Variants in ATP2B2 observed in about 807,000 individuals in gnomAD.
ATP2B2 encodes ATPase plasma membrane Ca2+ transporting 2, also known as plasma membrane calcium-transporting ATPase 2.
In ATP2B2, 15 loss-of-function variants were observed where a neutral mutation model predicts 120.0. The observed-to-expected ratio is 0.12, with a 90% CI of 0.08 to 0.19. The LOEUF (loss-of-function observed/expected upper bound fraction) is 0.19, where lower values mean the gene tolerates loss of function less well. Among genes scored for constraint, ATP2B2 ranks in the 10% least tolerant of loss-of-function variants. The pLI, the probability that ATP2B2 is intolerant of heterozygous loss-of-function variation, is 1.00. For synonymous variants in ATP2B2, 694 were observed against 700.3 expected (o/e 0.99, Z 0.14); for missense variants, 1,045 against 1,719.8 (o/e 0.61, Z 6.94).
chr3:10,486,017 A>G (rs1174615240), intron 1 of ATP2B2, among the ~76,000 whole-genome samples: 1 of 152,200 alleles, frequency 6.6e-6, no homozygotes, highest in Non-Finnish European at 1.5e-5. Flanking sequence ...ACAGGAGGCC[A>G]CAAGTGGGCA....
intron 3 of ATP2B2, among the ~76,000 whole-genome samples, chr3:10,517,625 G>A (rs1575449208): frequency 6.6e-6 from 1 of 152,168 alleles, no homozygotes; most frequent in African/African-American, 2.4e-5. Context: ...CCAGGCACCG[G>A]GCTAAGAAAG....
intron 1 of ATP2B2, among the ~76,000 whole-genome samples, chr3:10,631,019 A>G (rs1360282183): frequency 6.6e-6 from 1 of 152,120 alleles, no homozygotes; most frequent in East Asian, 1.9e-4. Context: ...AATAGAAGGG[A>G]GTAGTTATGA....
intron 2 of ATP2B2, among the ~76,000 whole-genome samples, chr3:10,435,098 G>A (rs983413472): frequency 5.9e-5 from 9 of 152,308 alleles, no homozygotes; most frequent in Non-Finnish European, 1.0e-4. Flanking sequence ...GCTGTGCGAC[G>A]TGGGCGAGTC....
At chr3:10,543,913 A>ATT (rs890583301) in intron 2 of ATP2B2, among the ~76,000 whole-genome samples, 3 of 151,918 alleles carry the variant, frequency 2.0e-5, no homozygotes, top group African/African-American at 4.8e-5. Context: ...TAATTTTTGT[A>ATT]TTTTTAGTAG....
chr3:10,472,909 G>A, intron 1 of ATP2B2, among the ~76,000 whole-genome samples: 1 of 152,216 alleles, frequency 6.6e-6, no homozygotes, highest in East Asian at 1.9e-4. Flanking sequence ...AGTAGCCCCA[G>A]TTGTAGGATC....
chr3:10,335,540 A>T (rs1309061303), intron 22 of ATP2B2, among the ~76,000 whole-genome samples: 3 of 151,984 alleles, frequency 2.0e-5, no homozygotes, highest in Non-Finnish European at 1.5e-5. Flanking sequence ...CTTGACCATG[A>T]CCCTCATTAC....
In ATP2B2 at chr3:10,350,131, G is replaced by T; in HGVS notation, c.2385C>A (p.Asp795Glu). ...TCTTACCTTTAACCAGGGTATGCTT[G>T]TCCGTTGGGGAGGAGCGAGCCAGCA... is the stretch of plus-strand genomic sequence containing the variant. ...LRVLARSSPT[D>E]KHTLVKGIID... is the part of the protein sequence containing the mutation. Residue 795 changes from aspartate to glutamate, a missense_variant, in exon 16 of 23, where the codon GAC becomes GAA. This residue lies in a region of ATP2B2 where 98 missense variants were observed against 266.7 expected (regional missense o/e 0.37). Coordinates refer to ENST00000360273, the MANE Select transcript of ATP2B2 (RefSeq NM_001001331.4). 6.2e-7 allele frequency: 1 copy of T among 1,613,826 alleles called. No homozygotes were observed. The highest frequency in any genetic ancestry group is 8.5e-7 in the Non-Finnish European group (1 of 1,179,996).
At chr3:10,549,467 T>C (rs1322338626) in intron 2 of ATP2B2, among the ~76,000 whole-genome samples, 2 of 151,916 alleles carry the variant, frequency 1.3e-5, no homozygotes, top group Non-Finnish European at 2.9e-5. Context: ...AGCTCATGCA[T>C]ATAAATAAGT....
At chr3:10,468,919 G>C (rs1340836090) in intron 1 of ATP2B2, among the ~76,000 whole-genome samples, 1 of 152,266 alleles carries the variant, frequency 6.6e-6, no homozygotes, top group Non-Finnish European at 1.5e-5. Context: ...CACTTCGGTA[G>C]TTTTGTGGAT....
chr3:10,587,775 G>GTTTC (rs2068548521), intron 2 of ATP2B2, among the ~76,000 whole-genome samples: 1 of 141,180 alleles, frequency 7.1e-6, no homozygotes, highest in South Asian at 2.3e-4. Context: ...TTGTTTGTTT[G>GTTTC]TTTCTCACTG....
At chr3:10,671,002 G>T (rs1382922775) in intron 1 of ATP2B2, among the ~76,000 whole-genome samples, 1 of 152,212 alleles carries the variant, frequency 6.6e-6, no homozygotes, top group Non-Finnish European at 1.5e-5. Context: ...GTGGGAGGGT[G>T]TATCAGATGA....
chr3:10,327,951 T>C lies in ATP2B2; in HGVS notation c.*863A>G, dbSNP rs776462889. The C allele has an allele frequency of 5.2e-5, 8 of 152,638 alleles. No individual in the cohort carries two copies. The highest frequency in any genetic ancestry group is 1.0e-4 in the Non-Finnish European group (7 of 68,040). 9.5% of individuals were successfully genotyped at this position (152,638 alleles called of 1,614,324 possible). The stretch of plus-strand genomic sequence containing the variant: ...GTTGGGCCGAGCTGTTTTTATAGCA[T>C]CTCAGCCACCAGTGTTCTTAAACCA... On this transcript the variant is annotated 3_prime_UTR_variant, in exon 23 of 23. Transcript: ENST00000360273.
intron 3 of ATP2B2, among the ~76,000 whole-genome samples, chr3:10,404,211 T>G (rs2124983722): frequency 6.6e-6 from 1 of 152,344 alleles, no homozygotes; most frequent in South Asian, 2.1e-4. Context: ...GGTCTTGCAC[T>G]GAACCAGCCG....
rs1393921771 is a variant in ATP2B2 at position 10,324,215 on chromosome 3, G to A, written c.*4599C>T. On this transcript the variant is annotated 3_prime_UTR_variant, in exon 23 of 23. Transcript: ENST00000360273. ...CGGGCAGCTTACGGAAGCTGGAGGC[G>A]GCACCATTCCCTCGCTACTCTATTA... is the stretch of plus-strand genomic sequence containing the variant. 2.0e-5 allele frequency: 3 copies of A among 152,060 alleles called. No homozygotes were observed. Among genetic ancestry groups the A allele is most frequent in the Non-Finnish European group, 4.4e-5 (3 of 68,034 alleles). The allele number at this position is 152,060 out of a possible 1,614,324, so 9.4% of individuals were successfully genotyped here.
intron 4 of ATP2B2, 107 bp downstream of exon 4, chr3:10,401,984 C>T: frequency 6.4e-7 from 1 of 1,559,990 alleles, no homozygotes; most frequent in Non-Finnish European, 8.7e-7. Context: ...GATCAGCCTT[C>T]AGGAATGCAT....
chr3:10,427,065 G>C (rs2063168650), intron 2 of ATP2B2, among the ~76,000 whole-genome samples: 1 of 152,214 alleles, frequency 6.6e-6, no homozygotes, highest in Non-Finnish European at 1.5e-5. Context: ...GTGGTTTAGG[G>C]AGGTTAGGGA....
intron 3 of ATP2B2, among the ~76,000 whole-genome samples, chr3:10,511,568 C>G (rs1243096123): frequency 6.6e-6 from 1 of 152,116 alleles, no homozygotes; most frequent in African/African-American, 2.4e-5. Context: ...ATTTCCTGAG[C>G]TGTCAATGAA....
chr3:10,341,766 AC>A (rs1423748034), intron 19 of ATP2B2, among the ~76,000 whole-genome samples: 5 of 151,462 alleles, frequency 3.3e-5, no homozygotes, highest in African/African-American at 1.2e-4. Context: ...CTCCTCTCCA[AC>A]CCCTCCACCT....
intron 11 of ATP2B2, among the ~76,000 whole-genome samples, chr3:10,373,288 A>G (rs1338517241): frequency 6.6e-6 from 1 of 152,242 alleles, no homozygotes; most frequent in East Asian, 1.9e-4. Flanking sequence ...CCAGGATCAC[A>G]CACCCGGAGG....
Sources: allele counts gnomAD v4.1 joint callset (sites outside exome capture counted in the v4.1 genomes callset), GRCh38; gene constraint gnomAD v4.1.1; regional missense constraint gnomAD v4.1.1; transcripts MANE v1.5; gene names NCBI Gene and HGNC (gene_info 2026-07-23, HGNC 2026-07-21).